The following EGFR variants were observed in gnomAD, a reference collection of about 807,000 sequenced individuals.
EGFR encodes epidermal growth factor receptor.
A neutral mutation model predicts 143.0 loss-of-function variants in EGFR; 58 were observed. The observed-to-expected ratio is 0.41, with a 90% CI of 0.33 to 0.50. The LOEUF is 0.50. Ranked by LOEUF, EGFR falls within the 20% of genes least tolerant of loss-of-function variation. The probability of loss-of-function intolerance (pLI) is 0.39; values close to 1 mark genes in which losing one functional copy is unlikely to be tolerated. For missense variants in EGFR, 1,307 were observed against 1,579.0 expected, an observed-to-expected ratio of 0.83 and a Z score of 2.92; for synonymous variants, 613 against 594.4, an observed-to-expected ratio of 1.03 and a Z score of -0.45.
intron 1 of EGFR, among the ~76,000 whole-genome samples, chr7:55,062,531 T>G (rs1038077908): frequency 6.6e-6 from 1 of 152,206 alleles, no homozygotes; most frequent in Non-Finnish European, 1.5e-5. Flanking sequence ...TCTCTTTCAT[T>G]GCTGCTCATC....
intron 1 of EGFR, among the ~76,000 whole-genome samples, chr7:55,092,840 C>G (rs1791212927): frequency 6.6e-6 from 1 of 152,352 alleles, no homozygotes; most frequent in East Asian, 1.9e-4. Flanking sequence ...TCGCAGATAA[C>G]AAATATGGTT....
intron 21 of EGFR, 101 bp downstream of exon 21, chr7:55,191,975 C>T: frequency 6.4e-7 from 1 of 1,553,746 alleles, no homozygotes; most frequent in Admixed American, 1.7e-5. Flanking sequence ...GGAGGATGCT[C>T]TCCAGACATT....
chr7:55,138,999 C>T (rs1332065381), intron 1 of EGFR, among the ~76,000 whole-genome samples: 1 of 152,158 alleles, frequency 6.6e-6, no homozygotes, highest in East Asian at 1.9e-4. Flanking sequence ...GATAGCTAAC[C>T]CATTCTTACA....
intron 1 of EGFR, among the ~76,000 whole-genome samples, chr7:55,068,100 G>T (rs1325596709): frequency 6.9e-6 from 1 of 145,790 alleles, no homozygotes; most frequent in Non-Finnish European, 1.5e-5. Context: ...AGGTGTGTAT[G>T]TGTGTGCCTG....
intron 1 of EGFR, among the ~76,000 whole-genome samples, chr7:55,130,802 G>A (rs146149168): frequency 9.2e-5 from 14 of 152,340 alleles, no homozygotes; most frequent in African/African-American, 2.9e-4. Flanking sequence ...TATGTGCCCC[G>A]CACAGGATCC....
chr7:55,168,764 A>G, intron 15 of EGFR: 1 of 557,506 alleles, frequency 1.8e-6, no homozygotes, highest in Non-Finnish European at 3.0e-6. Flanking sequence ...AAAGCCATTA[A>G]TTATATAGGA....
intron 1 of EGFR, among the ~76,000 whole-genome samples, chr7:55,121,650 C>T (rs1006806858): frequency 1.3e-5 from 2 of 152,176 alleles, no homozygotes; most frequent in Admixed American, 6.5e-5. Context: ...AAAAAACAGA[C>T]CCCTAGACAT....
intron 1 of EGFR, among the ~76,000 whole-genome samples, chr7:55,075,738 C>G (rs756507456): frequency 7.2e-5 from 11 of 152,120 alleles, no homozygotes; most frequent in Non-Finnish European, 1.0e-4. Flanking sequence ...CTGGCACGCT[C>G]AGAGCTACAC....
At chr7:55,198,437 A>G (rs1787712134) in intron 22 of EGFR, among the ~76,000 whole-genome samples, 1 of 152,136 alleles carries the variant, frequency 6.6e-6, no homozygotes, top group South Asian at 2.1e-4. Context: ...AAAGTTTACC[A>G]CTTATCAGTC....
intron 1 of EGFR, among the ~76,000 whole-genome samples, chr7:55,070,969 T>C (rs983134039): frequency 6.6e-6 from 1 of 152,236 alleles, no homozygotes; most frequent in Non-Finnish European, 1.5e-5. Context: ...AACATGGGTA[T>C]ACACATCCCA....
chr7:55,109,908 T>C, intron 1 of EGFR: 1 of 985,504 alleles, frequency 1.0e-6, no homozygotes, highest in Non-Finnish European at 1.2e-6. Context: ...TGCTGTGGGT[T>C]CCCTCCGGCA....
intron 1 of EGFR, among the ~76,000 whole-genome samples, chr7:55,119,804 C>T (rs1483543148): frequency 1.3e-5 from 2 of 152,306 alleles, no homozygotes; most frequent in East Asian, 1.9e-4. Context: ...TTGGAGGACA[C>T]ATTCTGTTGC....
chr7:55,069,117 T>C (rs762252462), intron 1 of EGFR, among the ~76,000 whole-genome samples: 3 of 152,250 alleles, frequency 2.0e-5, no homozygotes, highest in Non-Finnish European at 1.5e-5. Context: ...TGAAGCATTA[T>C]TGTAGTATTT....
At chr7:55,036,681 T>G in intron 1 of EGFR, among the ~76,000 whole-genome samples, 1 of 152,294 alleles carries the variant, frequency 6.6e-6, no homozygotes, top group East Asian at 1.9e-4. Flanking sequence ...TATAACTAGC[T>G]AAAAGATCTC....
At chr7:55,093,225 G>C (rs1486180830) in intron 1 of EGFR, among the ~76,000 whole-genome samples, 3 of 152,154 alleles carry the variant, frequency 2.0e-5, no homozygotes, top group Non-Finnish European at 2.9e-5. Flanking sequence ...AGCTTTAAAT[G>C]CACTTGTCAG....
intron 22 of EGFR, among the ~76,000 whole-genome samples, chr7:55,194,252 A>G (rs1307747759): frequency 7.0e-6 from 1 of 143,412 alleles, no homozygotes; most frequent in Non-Finnish European, 1.5e-5. Context: ...TTTGAGACAG[A>G]GTCTTGCCCT....
chr7:55,154,052 C>T lies in EGFR; in HGVS notation c.789C>T (p.Thr263=), dbSNP rs2128934918. The change falls in exon 7 of 28, where the codon ACC becomes ACT. Residue 263 remains threonine, a synonymous_variant. Coordinates refer to ENST00000275493, the MANE Select transcript of EGFR (RefSeq NM_005228.5). Reference sequence around the variant, plus strand: ...GAGACGAAGCCACGTGCAAGGACACCTGCCCCCCACTCATGCTCTACAACC... The same window carrying T: ...GAGACGAAGCCACGTGCAAGGACACTTGCCCCCCACTCATGCTCTACAACC... ...KFRDEATCKD[T]CPPLMLYNPT... The T allele has an allele frequency of 6.2e-7, 1 of 1,614,210 alleles. No homozygotes were observed.
chr7:55,157,664 G>A lies in EGFR; in HGVS notation c.1209G>A (p.Gly403=). ...DILKTVKEIT[G]FLLIQAWPEN... ...TGAAGTCTTTCATCTGCCTTACAGG[G>A]TTTTTGCTGATTCAGGCTTGGCCTG... The change falls in exon 11 of 28, where the codon GGG becomes GGA. Residue 403 remains glycine, a splice_region_variant and synonymous_variant. Coordinates refer to ENST00000275493, the MANE Select transcript of EGFR (RefSeq NM_005228.5). 2 of 1,614,214 alleles carry A rather than the reference G, an allele frequency of 1.2e-6. No homozygotes were observed. The highest frequency in any genetic ancestry group is 2.2e-5 in the East Asian group (1 of 44,880).
chr7:55,181,715 T>G, intron 20 of EGFR: 1 of 591,752 alleles, frequency 1.7e-6, no homozygotes, highest in Non-Finnish European at 3.0e-6. Flanking sequence ...GAATTTTCTC[T>G]TTATTGAGTG....
Sources: allele counts gnomAD v4.1 joint callset (sites outside exome capture counted in the v4.1 genomes callset), GRCh38; gene constraint gnomAD v4.1.1; transcripts MANE v1.5; gene names NCBI Gene and HGNC (gene_info 2026-07-23, HGNC 2026-07-21).